Variants in PPIL4 observed in about 807,000 individuals in gnomAD.
PPIL4 encodes the protein peptidylprolyl isomerase like 4, also known as peptidyl-prolyl cis-trans isomerase-like 4.
A neutral mutation model predicts 69.1 loss-of-function variants in PPIL4; 50 were observed. That is an observed-to-expected ratio of 0.72 (90% CI 0.58 to 0.92). The LOEUF is 0.92. Ranked by LOEUF, PPIL4 falls within the 40% of genes least tolerant of loss-of-function variation. The pLI, the probability that PPIL4 is intolerant of heterozygous loss-of-function variation, is 0.00. For synonymous variants in PPIL4, 193 were observed against 191.6 expected, an observed-to-expected ratio of 1.01 and a Z score of -0.06; for missense variants, 480 against 587.9, an observed-to-expected ratio of 0.82 and a Z score of 1.90.
rs200850954 is a variant in PPIL4, at chr6:149,521,190, A to C, written c.871-19T>G. Reference sequence around the variant, plus strand: ...CTTCTTCCTGATAATAATTATAAAAACTCAAGCATAAATCTTTATGGAAAA... The same window carrying C: ...CTTCTTCCTGATAATAATTATAAAACCTCAAGCATAAATCTTTATGGAAAA... On this transcript the variant is annotated intron_variant, in intron 9 of 12. Transcript: ENST00000253329. The C allele has an allele frequency of 7.4e-7, 1 of 1,346,434 alleles. No individual in the cohort carries two copies. The highest frequency in any genetic ancestry group is 1.5e-5 in the African/African-American group (1 of 68,766). The allele number at this position is 1,346,434 out of a possible 1,614,324, so 83.4% of individuals were successfully genotyped here. A position where few individuals can be genotyped will look rare whatever the true frequency, so the allele number is the denominator to read the frequency against.
chr6:149,520,300 G>C (rs958065093), intron 10 of PPIL4, among the ~76,000 whole-genome samples: 3 of 152,022 alleles, frequency 2.0e-5, no homozygotes, highest in Non-Finnish European at 4.4e-5. Flanking sequence ...GGTTACCCTG[G>C]AAGAGAAATT....
At chr6:149,507,998 C>T (rs1776791498) in intron 12 of PPIL4, among the ~76,000 whole-genome samples, 2 of 152,134 alleles carry the variant, frequency 1.3e-5, no homozygotes, top group South Asian at 4.1e-4. Flanking sequence ...AAAATGAGCC[C>T]TGTATGTATG....
At chr6:149,515,166 A>T (rs1776924036) in intron 11 of PPIL4, among the ~76,000 whole-genome samples, 1 of 145,124 alleles carries the variant, frequency 6.9e-6, no homozygotes, top group South Asian at 2.2e-4. Flanking sequence ...AAGAAAAAAA[A>T]AATGGAGACC....
chr6:149,515,353 T>A (rs1776927923), intron 11 of PPIL4, among the ~76,000 whole-genome samples: 1 of 152,066 alleles, frequency 6.6e-6, no homozygotes, highest in Admixed American at 6.6e-5. Context: ...CCCAGCCTAT[T>A]TCTTAAATGA....
At chr6:149,524,769 G>A (rs1331771112) in intron 9 of PPIL4, among the ~76,000 whole-genome samples, 21 of 152,126 alleles carry the variant, frequency 1.4e-4, no homozygotes, top group Non-Finnish European at 2.9e-4. Context: ...GGGCATGGTG[G>A]TGGGCACCTG....
intron 6 of PPIL4, among the ~76,000 whole-genome samples, chr6:149,534,063 C>T (rs1325774515): frequency 2.6e-5 from 4 of 151,844 alleles, no homozygotes; most frequent in Admixed American, 1.3e-4. Context: ...GGCTGAGGCA[C>T]GAGAATTGCT....
At chr6:149,534,030 C>A (rs1777237853) in intron 6 of PPIL4, among the ~76,000 whole-genome samples, 1 of 152,062 alleles carries the variant, frequency 6.6e-6, no homozygotes, top group South Asian at 2.1e-4. Context: ...GTGGCATGCA[C>A]CTACAATCCC....
At chr6:149,533,358 AT>A in intron 7 of PPIL4, 99 bp downstream of exon 7, 2 of 682,470 alleles carry the variant, frequency 2.9e-6, no homozygotes, top group Non-Finnish European at 5.0e-6. Context: ...TCATAACTCA[AT>A]TTTTAACATT....
In PPIL4 at chr6:149,546,032, C is replaced by A. The variant is rs1424577829; in HGVS notation, c.-27G>T. ...GCGCCCGCTCCTCCTCCGCTACAAACCCCGGGAGGAGGGGGGTGACAGGCG... is the reference window on the plus strand; with the variant it reads ...GCGCCCGCTCCTCCTCCGCTACAAAACCCGGGAGGAGGGGGGTGACAGGCG... On this transcript the variant is annotated 5_prime_UTR_variant, in exon 1 of 13. Transcript: ENST00000253329. 1.3e-6 allele frequency: 2 copies of A among 1,557,174 alleles called. No homozygotes were observed. The highest frequency in any genetic ancestry group is 3.8e-5 in the Admixed American group (2 of 52,958).
rs779340888 is a variant in PPIL4 at position 149,505,240 on chromosome 6, A to G, written c.*213T>C. The G allele has an allele frequency of 2.6e-5, 12 of 453,718 alleles. No homozygotes were observed. Among genetic ancestry groups the G allele is most frequent in the Admixed American group, 4.0e-5 (1 of 25,138 alleles). The allele number at this position is 453,718 out of a possible 1,614,324, so 28.1% of individuals were successfully genotyped here. On this transcript the variant is annotated 3_prime_UTR_variant, in exon 13 of 13. Coordinates refer to ENST00000253329, the MANE Select transcript of PPIL4 (RefSeq NM_139126.4). ...CAAAAATGAAGACTACCATTTATGT[A>G]TAACAATAAAATTAGTGTAAAAAAG... is the stretch of plus-strand genomic sequence containing the variant.
intron 7 of PPIL4, among the ~76,000 whole-genome samples, chr6:149,531,868 C>G (rs1179266619): frequency 6.6e-6 from 1 of 152,130 alleles, no homozygotes; most frequent in African/African-American, 2.4e-5. Context: ...CGGAGTTTCA[C>G]CATGTTGGCC....
chr6:149,513,204 G>T lies in PPIL4; in HGVS notation c.1080-902C>A, dbSNP rs1253433819. Among the ~76,000 whole-genome samples, 7 of 146,956 alleles carry T rather than the reference G, an allele frequency of 4.8e-5. No homozygotes were observed. The South Asian group carries it at 1.5e-3, about 31-fold the overall frequency. On this transcript the variant is annotated intron_variant, in intron 11 of 12. Transcript: ENST00000253329. Reference sequence around the variant, plus strand: ...AGTTCGAGACCAGCCTGGCCAATATGGTGAAACCCCATCTCTACTAAAAAT... The same window carrying T: ...AGTTCGAGACCAGCCTGGCCAATATTGTGAAACCCCATCTCTACTAAAAAT...
rs1776742673 is a variant in PPIL4, at chr6:149,504,820, G to C, written c.*633C>G. On this transcript the variant is annotated 3_prime_UTR_variant, in exon 13 of 13. Coordinates refer to ENST00000253329, the MANE Select transcript of PPIL4 (RefSeq NM_139126.4). ...TGTTCACAGCAGCATTGTTTCAACA[G>C]CAAAAACAAATAAACAAAACTCAAA... The C allele has an allele frequency of 6.6e-6, 1 of 151,992 alleles. No homozygotes were observed. Among genetic ancestry groups the C allele is most frequent in the African/African-American group, 2.4e-5 (1 of 41,370 alleles). The allele number at this position is 151,992 out of a possible 1,614,324, so 9.4% of individuals were successfully genotyped here.
intron 10 of PPIL4, among the ~76,000 whole-genome samples, chr6:149,518,586 A>G (rs180715212): frequency 6.6e-6 from 1 of 152,368 alleles, no homozygotes; most frequent in East Asian, 1.9e-4. Flanking sequence ...GCAATTCCAG[A>G]GACTCCAGAA....
rs761319186 is a variant in PPIL4, at chr6:149,541,516, C to A, written c.138+3G>T. 6.4e-7 allele frequency: 1 copy of A among 1,563,106 alleles called. No individual in the cohort carries two copies. Among genetic ancestry groups the A allele is most frequent in the Non-Finnish European group, 8.8e-7 (1 of 1,134,934 alleles). On this transcript the variant is annotated splice_donor_region_variant and intron_variant, in intron 2 of 12. Coordinates refer to ENST00000253329, the MANE Select transcript of PPIL4 (RefSeq NM_139126.4). ...AGGAAATGACTAATATCTACCAACT[C>A]ACCTGTACATTGTGAATAAGGCAAT...
At chr6:149,523,989 C>G (rs943958421) in intron 9 of PPIL4, among the ~76,000 whole-genome samples, 2 of 152,172 alleles carry the variant, frequency 1.3e-5, no homozygotes, top group African/African-American at 2.4e-5. Flanking sequence ...CATGATTCAT[C>G]TTGTATCCCT....
chr6:149,531,288 C>A (rs566929680), intron 7 of PPIL4, among the ~76,000 whole-genome samples: 1 of 151,460 alleles, frequency 6.6e-6, no homozygotes, highest in Non-Finnish European at 1.5e-5. Flanking sequence ...TCGCTTGAAC[C>A]CGGGAGGCAG....
intron 4 of PPIL4, among the ~76,000 whole-genome samples, chr6:149,536,441 T>C (rs572293904): frequency 2.0e-4 from 31 of 151,984 alleles, no homozygotes; most frequent in Non-Finnish European, 3.2e-4. Context: ...AATAGCTGAG[T>C]TGTAAATGCA....
intron 11 of PPIL4, among the ~76,000 whole-genome samples, chr6:149,514,904 T>C (rs1776917874): frequency 6.6e-6 from 1 of 151,760 alleles, no homozygotes; most frequent in Non-Finnish European, 1.5e-5. Context: ...TGGCGCGATC[T>C]TGGCTCACCA....
Sources: allele counts gnomAD v4.1 joint callset (sites outside exome capture counted in the v4.1 genomes callset), GRCh38; gene constraint gnomAD v4.1.1; transcripts MANE v1.5; gene names NCBI Gene and HGNC (gene_info 2026-07-23, HGNC 2026-07-21).